FBXL17: variants seen among roughly 807,000 people sequenced by gnomAD.
FBXL17 encodes F-box/LRR-repeat protein 17.
In FBXL17, 22 loss-of-function variants were observed where a neutral mutation model predicts 66.2. The observed-to-expected ratio is 0.33, with a 90% CI of 0.24 to 0.47. FBXL17 has a LOEUF of 0.47. Among genes scored for constraint, FBXL17 ranks in the 20% least tolerant of loss-of-function variants. The pLI is 1.00. For synonymous variants in FBXL17, 474 were observed against 400.5 expected (o/e 1.18, Z -2.19); for missense variants, 878 against 948.2 (o/e 0.93, Z 0.97).
intron 7 of FBXL17, among the ~76,000 whole-genome samples, chr5:107,940,009 GT>G (rs1486552848): frequency 4.6e-5 from 7 of 152,082 alleles, no homozygotes; most frequent in African/African-American, 1.7e-4. Context: ...TGCTTAATGT[GT>G]TAAACAGTAT....
intron 8 of FBXL17, among the ~76,000 whole-genome samples, chr5:107,870,010 A>G (rs1380678930): frequency 6.6e-6 from 1 of 152,220 alleles, no homozygotes; most frequent in Non-Finnish European, 1.5e-5. Context: ...CCAACTGCTC[A>G]TTAGAATTAC....
chr5:108,255,884 G>A (rs932583068), intron 4 of FBXL17, among the ~76,000 whole-genome samples: 3 of 152,122 alleles, frequency 2.0e-5, no homozygotes, highest in Non-Finnish European at 2.9e-5. Context: ...CCTGGGATTC[G>A]ACTTAGGTGA....
intron 6 of FBXL17, among the ~76,000 whole-genome samples, chr5:108,065,312 AC>A (rs1318434322): frequency 5.9e-5 from 9 of 152,242 alleles, no homozygotes; most frequent in African/African-American, 2.2e-4. Context: ...CGTAGGACAT[AC>A]AAAGCACATA....
At chr5:108,114,642 C>A (rs1172919361) in intron 6 of FBXL17, among the ~76,000 whole-genome samples, 1 of 152,142 alleles carries the variant, frequency 6.6e-6, no homozygotes, top group Admixed American at 6.6e-5. Context: ...AAAATTTACC[C>A]TGATACTGAG....
At chr5:108,056,547 AT>A (rs1561389010) in intron 6 of FBXL17, among the ~76,000 whole-genome samples, 1 of 152,256 alleles carries the variant, frequency 6.6e-6, no homozygotes, top group East Asian at 1.9e-4. Flanking sequence ...TTACAAATAC[AT>A]AAAGTAGTCA....
chr5:108,182,090 C>T (rs1036304679), intron 6 of FBXL17, among the ~76,000 whole-genome samples: 1 of 152,198 alleles, frequency 6.6e-6, no homozygotes, highest in East Asian at 1.9e-4. Context: ...ACAAGGCTCA[C>T]TATTATCATT....
rs7712912 is a variant in FBXL17, at chr5:108,290,526, T to C, written c.1506+57873A>G. Among the ~76,000 whole-genome samples, 746 of 152,274 alleles carry C rather than the reference T, an allele frequency of 4.9e-3. 10 individuals are homozygous for C. The highest frequency in any genetic ancestry group is 0.017 in the African/African-American group (712 of 41,576). ...CTTCCCATGTCAATTTCAAATCAGA[T>C]TGGCAAATATTGTAAAAAGAACATG... is the stretch of plus-strand genomic sequence containing the variant. On this transcript the variant is annotated intron_variant, in intron 4 of 8. Transcript: ENST00000542267.
At chr5:107,910,006 A>G (rs943353147) in intron 7 of FBXL17, among the ~76,000 whole-genome samples, 30 of 152,108 alleles carry the variant, frequency 2.0e-4, no homozygotes, top group African/African-American at 5.6e-4. Context: ...TAAAGTCACT[A>G]AATTATTCTT....
intron 7 of FBXL17, among the ~76,000 whole-genome samples, chr5:107,941,807 T>C (rs1327020932): frequency 4.6e-5 from 7 of 152,184 alleles, no homozygotes; most frequent in African/African-American, 1.7e-4. Flanking sequence ...CAGCATCTTA[T>C]GCATCCCCCT....
chr5:108,206,107 T>C (rs1754106888), intron 5 of FBXL17, among the ~76,000 whole-genome samples: 2 of 152,272 alleles, frequency 1.3e-5, no homozygotes, highest in Admixed American at 1.3e-4. Flanking sequence ...TTTGCTTTCA[T>C]TGATGATGAT....
intron 4 of FBXL17, among the ~76,000 whole-genome samples, chr5:108,310,316 C>T (rs1759056492): frequency 6.6e-6 from 1 of 152,136 alleles, no homozygotes; most frequent in Non-Finnish European, 1.5e-5. Flanking sequence ...TAAAATATTA[C>T]ATAATCAATG....
chr5:108,342,534 T>C, intron 4 of FBXL17, among the ~76,000 whole-genome samples: 1 of 152,172 alleles, frequency 6.6e-6, no homozygotes, highest in Non-Finnish European at 1.5e-5. Context: ...TCAAGGGAGA[T>C]AATGTCTTTT....
intron 5 of FBXL17, among the ~76,000 whole-genome samples, chr5:108,198,423 A>T (rs912330980): frequency 6.6e-6 from 1 of 152,136 alleles, no homozygotes; most frequent in South Asian, 2.1e-4. Flanking sequence ...CCTAAAATAA[A>T]TAACTATGCA....
At chr5:107,949,133 A>C (rs556216032) in intron 7 of FBXL17, among the ~76,000 whole-genome samples, 92 of 151,858 alleles carry the variant, frequency 6.1e-4, no homozygotes, top group Middle Eastern at 3.4e-3. Flanking sequence ...GTGAATGGCA[A>C]GTAGCTAAGA....
In FBXL17 at chr5:108,381,879, G is replaced by A; in HGVS notation, c.-188C>T. The A allele has an allele frequency of 1.5e-6, 2 of 1,293,580 alleles. No individual in the cohort carries two copies. Among genetic ancestry groups the A allele is most frequent in the Non-Finnish European group, 2.0e-6 (2 of 1,021,316 alleles). 80.1% of individuals were successfully genotyped at this position (1,293,580 alleles called of 1,614,324 possible). A position where few individuals can be genotyped will look rare whatever the true frequency, so the allele number is the denominator to read the frequency against. ...GGCGTCAGCTGCGGGCCGCCGGAGT[G>A]CCCGACGGGGGCTACATGCTTTGCC... is the stretch of plus-strand genomic sequence containing the variant. On this transcript the variant is annotated 5_prime_UTR_variant, in exon 1 of 9. Coordinates refer to ENST00000542267, the MANE Select transcript of FBXL17 (RefSeq NM_001163315.3).
At chr5:107,929,676 G>T (rs1750663140) in intron 7 of FBXL17, among the ~76,000 whole-genome samples, 1 of 152,026 alleles carries the variant, frequency 6.6e-6, no homozygotes, top group Non-Finnish European at 1.5e-5. Context: ...AATATCTGCT[G>T]ATGTATCCAG....
chr5:108,363,155 G>C (rs1205237331), intron 3 of FBXL17, among the ~76,000 whole-genome samples: 1 of 152,092 alleles, frequency 6.6e-6, no homozygotes, highest in East Asian at 1.9e-4. Context: ...TTAATTTAGT[G>C]AGTGGGTCAA....
chr5:108,254,081 G>A (rs778564295), intron 4 of FBXL17, among the ~76,000 whole-genome samples: 30 of 152,246 alleles, frequency 2.0e-4, no homozygotes, highest in Middle Eastern at 3.4e-3. Flanking sequence ...ATGTAAGCTC[G>A]TATTTTGAAT....
chr5:108,119,791 T>C (rs936991621), intron 6 of FBXL17, among the ~76,000 whole-genome samples: 16 of 152,210 alleles, frequency 1.1e-4, no homozygotes, highest in African/African-American at 3.9e-4. Flanking sequence ...TCCTGATCAT[T>C]TCCCTATGAT....
Sources: gnomAD v4.1 joint callset for allele counts (sites outside exome capture counted in the v4.1 genomes callset) on GRCh38, gnomAD v4.1.1 for gene constraint, MANE v1.5 for transcripts, NCBI Gene and HGNC (gene_info 2026-07-23, HGNC 2026-07-21) for gene names.